Variants in LUZP2 observed in about 807,000 individuals in gnomAD.
LUZP2 encodes leucine zipper protein 2.
LUZP2 carries 52 observed loss-of-function variants against 51.6 expected under a neutral mutation model. That is an observed-to-expected ratio of 1.01 (90% CI 0.81 to 1.27). The LOEUF (loss-of-function observed/expected upper bound fraction) is 1.27, where lower values mean the gene tolerates loss of function less well. Ranked by LOEUF, LUZP2 falls within the 50% of genes most tolerant of loss-of-function variation. The pLI, the probability that LUZP2 is intolerant of heterozygous loss-of-function variation, is 0.00. For synonymous variants in LUZP2, 154 were observed against 137.3 expected, an observed-to-expected ratio of 1.12 and a Z score of -0.85; for missense variants, 436 against 395.4, an observed-to-expected ratio of 1.10 and a Z score of -0.87.
chr11:24,728,636 C>G (rs1858584982), intron 1 of LUZP2, among the ~76,000 whole-genome samples: 1 of 152,040 alleles, frequency 6.6e-6, no homozygotes, highest in African/African-American at 2.4e-5. Context: ...TCCCAATTAT[C>G]ACTTAACAGT....
chr11:24,497,222 G>T lies in LUZP2; in HGVS notation c.-22G>T. On this transcript the variant is annotated 5_prime_UTR_variant, in exon 1 of 12. Transcript: ENST00000336930. ...GAGAGAGAGAAGGCAGCGAGGGAAGGAGGACCCCGGCAGGCAGCAGCATGA... is the reference window on the plus strand; with the variant it reads ...GAGAGAGAGAAGGCAGCGAGGGAAGTAGGACCCCGGCAGGCAGCAGCATGA... The T allele has an allele frequency of 1.3e-6, 2 of 1,521,494 alleles. No individual in the cohort carries two copies. Among genetic ancestry groups the T allele is most frequent in the Non-Finnish European group, 8.9e-7 (1 of 1,128,894 alleles). The allele number at this position is 1,521,494 out of a possible 1,614,324, so 94.2% of individuals were successfully genotyped here.
At chr11:24,976,688 T>C in intron 8 of LUZP2, 23 bp downstream of exon 8, 1 of 914,038 alleles carries the variant, frequency 1.1e-6, no homozygotes, top group Non-Finnish European at 1.6e-6. Context: ...TCATGAACCA[T>C]TACAACTGTA....
intron 9 of LUZP2, among the ~76,000 whole-genome samples, chr11:24,984,549 T>TATATATATAAATATATATATATATATAA (rs60530495): frequency 4.2e-5 from 3 of 71,224 alleles, no homozygotes; most frequent in Non-Finnish European, 5.6e-5. Context: ...TATATATATA[T>TATATATATAAATATATATATATATATAA]AATTGTGAAT....
chr11:25,051,853 CT>C (rs1858526749), intron 10 of LUZP2, among the ~76,000 whole-genome samples: 1 of 152,060 alleles, frequency 6.6e-6, no homozygotes, highest in Admixed American at 6.5e-5. Context: ...GCTAGGATTC[CT>C]CAAAGCAACA....
At chr11:25,048,683 G>T (rs1275552526) in intron 9 of LUZP2, among the ~76,000 whole-genome samples, 1 of 152,002 alleles carries the variant, frequency 6.6e-6, no homozygotes, top group African/African-American at 2.4e-5. Flanking sequence ...TCAGACGTAG[G>T]ATTCCTAAAC....
intron 7 of LUZP2, among the ~76,000 whole-genome samples, chr11:24,918,760 T>A (rs1247924525): frequency 2.0e-5 from 3 of 150,036 alleles, no homozygotes; most frequent in Non-Finnish European, 4.4e-5. Flanking sequence ...TTAACATATT[T>A]TATATTTCTG....
chr11:24,622,278 C>T (rs1030586669), intron 1 of LUZP2, among the ~76,000 whole-genome samples: 3 of 150,954 alleles, frequency 2.0e-5, no homozygotes, highest in Admixed American at 6.6e-5. Context: ...TCCCTCCCCT[C>T]TCCCCCCTCC....
At chr11:24,828,416 C>T (rs1316821022) in intron 5 of LUZP2, among the ~76,000 whole-genome samples, 1 of 151,998 alleles carries the variant, frequency 6.6e-6, no homozygotes, top group African/African-American at 2.4e-5. Context: ...ACCCATTGAA[C>T]ATGCAAAAAT....
intron 1 of LUZP2, among the ~76,000 whole-genome samples, chr11:24,639,742 T>C (rs61875691): frequency 0.14 from 20,517 of 151,870 alleles, 1,634 homozygotes; most frequent in East Asian, 0.3. Flanking sequence ...TGAGCCACTG[T>C]GCCCGGCCTT....
chr11:24,811,868 A>T (rs1459777696), intron 5 of LUZP2, among the ~76,000 whole-genome samples: 1 of 152,140 alleles, frequency 6.6e-6, no homozygotes, highest in Non-Finnish European at 1.5e-5. Flanking sequence ...GGGCTACCCT[A>T]GTTTTCAAAG....
intron 7 of LUZP2, among the ~76,000 whole-genome samples, chr11:24,918,625 A>G (rs1309177460): frequency 1.3e-5 from 2 of 151,200 alleles, no homozygotes; most frequent in Admixed American, 1.3e-4. Flanking sequence ...TAGATTTGAC[A>G]AATGTAATTC....
chr11:24,868,445 T>C (rs544823559), intron 5 of LUZP2, among the ~76,000 whole-genome samples: 75 of 152,288 alleles, frequency 4.9e-4, no homozygotes, highest in Admixed American at 3.2e-3. Flanking sequence ...TCTAAGTCAC[T>C]ACTTTTGAGT....
chr11:25,024,163 A>G (rs962560403), intron 9 of LUZP2, among the ~76,000 whole-genome samples: 1 of 151,994 alleles, frequency 6.6e-6, no homozygotes, highest in African/African-American at 2.4e-5. Context: ...CTTGGTGCAG[A>G]GCTGAGTTCA....
chr11:24,524,604 C>T (rs1850738107), intron 1 of LUZP2, among the ~76,000 whole-genome samples: 1 of 151,658 alleles, frequency 6.6e-6, no homozygotes, highest in African/African-American at 2.4e-5. Context: ...TCCATTAACT[C>T]TTTTAGATCC....
chr11:24,603,528 C>G (rs981483981), intron 1 of LUZP2, among the ~76,000 whole-genome samples: 6 of 150,576 alleles, frequency 4.0e-5, no homozygotes, highest in Admixed American at 3.3e-4. Context: ...TATAGAACAC[C>G]ATTTTTCTCA....
At chr11:24,864,211 C>T (rs1408599162) in intron 5 of LUZP2, among the ~76,000 whole-genome samples, 1 of 152,068 alleles carries the variant, frequency 6.6e-6, no homozygotes, top group African/African-American at 2.4e-5. Context: ...GCCTGATACA[C>T]ACATGTTTGA....
chr11:24,738,509 G>A (rs115290976), intron 4 of LUZP2, among the ~76,000 whole-genome samples: 9 of 152,078 alleles, frequency 5.9e-5, no homozygotes, highest in Non-Finnish European at 1.2e-4. Flanking sequence ...TTAGGGGGTC[G>A]TCTAATTCCC....
At chr11:24,950,037 G>T (rs1435666846) in intron 7 of LUZP2, among the ~76,000 whole-genome samples, 1 of 149,412 alleles carries the variant, frequency 6.7e-6, no homozygotes, top group Non-Finnish European at 1.5e-5. Context: ...GCAGTAATGG[G>T]TGGATACCCA....
intron 7 of LUZP2, among the ~76,000 whole-genome samples, chr11:24,931,564 C>T (rs1285965174): frequency 6.6e-6 from 1 of 152,182 alleles, no homozygotes; most frequent in African/African-American, 2.4e-5. Context: ...CCTTCACTTC[C>T]AGAAGCCATG....
Sources: gnomAD v4.1 joint callset for allele counts (sites outside exome capture counted in the v4.1 genomes callset) on GRCh38, gnomAD v4.1.1 for gene constraint, MANE v1.5 for transcripts, NCBI Gene and HGNC (gene_info 2026-07-23, HGNC 2026-07-21) for gene names.